Variants in TNRC6C observed in about 807,000 individuals in gnomAD.
The protein encoded by TNRC6C is trinucleotide repeat-containing gene 6C protein.
TNRC6C carries 20 observed loss-of-function variants against 153.7 expected under a neutral mutation model. The ratio of observed to expected loss-of-function variants is 0.13; its 90% CI spans 0.09 to 0.19. The LOEUF (loss-of-function observed/expected upper bound fraction) is 0.19, where lower values mean the gene tolerates loss of function less well. Ranked by LOEUF, TNRC6C falls within the 10% of genes least tolerant of loss-of-function variation. The pLI, the probability that TNRC6C is intolerant of heterozygous loss-of-function variation, is 1.00. For missense variants in TNRC6C, 1,987 were observed against 2,172.0 expected (o/e 0.91, Z 1.69); for synonymous variants, 811 against 841.4 (o/e 0.96, Z 0.63).
intron 3 of TNRC6C, among the ~76,000 whole-genome samples, chr17:78,057,413 G>T (rs1373328485): frequency 6.6e-6 from 1 of 152,262 alleles, no homozygotes. Flanking sequence ...AGAAGTAACA[G>T]TTCCACACCA....
intron 1 of TNRC6C, among the ~76,000 whole-genome samples, chr17:77,996,578 T>C (rs1567906127): frequency 6.6e-6 from 1 of 152,208 alleles, no homozygotes; most frequent in Non-Finnish European, 1.5e-5. Flanking sequence ...GGCAAAGCAC[T>C]GAGATACCAG....
At chr17:78,098,010 G>T in intron 16 of TNRC6C, 149 bp downstream of exon 19, 3 of 733,724 alleles carry the variant, frequency 4.1e-6, no homozygotes, top group Non-Finnish European at 6.5e-6. Context: ...TGGGGGCCTT[G>T]CCCAGGCACA....
chr17:78,071,798 T>C (rs2073002596), intron 6 of TNRC6C, among the ~76,000 whole-genome samples: 1 of 152,178 alleles, frequency 6.6e-6, no homozygotes, highest in East Asian at 1.9e-4. Context: ...TTGACAGAGA[T>C]CACAAAAGAA....
exon 3 of TNRC6C, chr17:78,051,173 G>A: frequency 6.3e-7 from 1 of 1,577,730 alleles, no homozygotes; most frequent in Non-Finnish European, 8.6e-7. Flanking sequence ...CAGAAGGACA[G>A]CAGTGAAGCA....
intron 13 of TNRC6C, 167 bp from the exon 16 acceptor site, chr17:78,091,273 C>T: frequency 1.4e-6 from 1 of 719,664 alleles, no homozygotes; most frequent in South Asian, 3.7e-5. Flanking sequence ...TTGCAATGAG[C>T]CAAGATTGTG....
intron 1 of TNRC6C, among the ~76,000 whole-genome samples, chr17:78,030,325 C>CGTGTGT (rs60964524): frequency 1.3e-5 from 2 of 149,868 alleles, no homozygotes; most frequent in Non-Finnish European, 3.0e-5. Context: ...TGTGTGTGTG[C>CGTGTGT]GTGTGTGTGT....
In TNRC6C at chr17:78,093,840, G is replaced by GGGC. The variant is rs1210767033; in HGVS notation, c.4306+78_4306+80dup. 8.6e-5 allele frequency: 136 copies of GGGC among 1,572,590 alleles called. No homozygotes were observed. The Middle Eastern group carries it at 3.3e-3, about 38-fold the overall frequency. The stretch of plus-strand genomic sequence containing the variant: ...TTGGAGATGTCAGGGGTGACAGGTT[G>GGGC]GGCTGTGAGGCAGGGATGATACAAG... On this transcript the variant is annotated intron_variant, in intron 16 of 19. Coordinates refer to ENST00000301624, the Ensembl canonical transcript of TNRC6C.
chr17:78,105,782 T>G (rs1171323612), exon 20 of TNRC6C: 1 of 152,340 alleles, frequency 6.6e-6, no homozygotes, highest in Admixed American at 6.5e-5. Flanking sequence ...GTCAAACGGT[T>G]GTTATTATTA....
chr17:77,970,006 T>G (rs2070928334), intron 1 of TNRC6C, among the ~76,000 whole-genome samples: 1 of 152,236 alleles, frequency 6.6e-6, no homozygotes, highest in Non-Finnish European at 1.5e-5. Context: ...GAATGGATGA[T>G]AACTGTCTTT....
At chr17:78,093,213 A>G (rs999279726) in intron 15 of TNRC6C, 89 bp downstream of exon 17, 5 of 1,351,052 alleles carry the variant, frequency 3.7e-6, no homozygotes, top group Non-Finnish European at 5.1e-6. Context: ...AGGACCCAGA[A>G]TCTGAGCTAA....
At chr17:78,093,982 CT>C (rs11313921) in intron 16 of TNRC6C, among the ~76,000 whole-genome samples, 19,960 of 141,168 alleles carry the variant, frequency 0.14, 1,789 homozygotes, top group African/African-American at 0.27. Flanking sequence ...ATTATTATTA[CT>C]TTTTTTTTTT....
At chr17:78,103,319 TTAGTG>T in intron 18 of TNRC6C, 90 bp from the exon 22 acceptor site, 1 of 1,432,610 alleles carries the variant, frequency 7.0e-7, no homozygotes, top group African/African-American at 1.4e-5. Flanking sequence ...TTCCTAGTGT[TTAGTG>T]TATCCAATTT....
At chr17:78,023,445 G>GC (rs2071875211) in intron 1 of TNRC6C, among the ~76,000 whole-genome samples, 1 of 152,064 alleles carries the variant, frequency 6.6e-6, no homozygotes, top group South Asian at 2.1e-4. Context: ...TGCTGCTACT[G>GC]CTTTTGAATT....
At chr17:78,074,498 G>A (rs562180364) in intron 7 of TNRC6C, among the ~76,000 whole-genome samples, 2 of 152,342 alleles carry the variant, frequency 1.3e-5, no homozygotes, top group South Asian at 4.1e-4. Context: ...ACAGAGCAGC[G>A]TGTGCTGCAA....
chr17:78,068,559 C>T (rs1036802832), intron 5 of TNRC6C, among the ~76,000 whole-genome samples: 3 of 152,072 alleles, frequency 2.0e-5, no homozygotes, highest in African/African-American at 7.2e-5. Flanking sequence ...TTTGGGAGGC[C>T]AAAGTGGGTG....
chr17:78,098,857 A>G (rs750529553), intron 17 of TNRC6C, among the ~76,000 whole-genome samples: 5 of 152,150 alleles, frequency 3.3e-5, no homozygotes, highest in Non-Finnish European at 7.4e-5. Context: ...ACACTGGGCC[A>G]TCAGAGGCCT....
At chr17:77,997,612 A>G (rs558442537) in intron 1 of TNRC6C, among the ~76,000 whole-genome samples, 7 of 152,058 alleles carry the variant, frequency 4.6e-5, no homozygotes, top group Admixed American at 4.6e-4. Flanking sequence ...GAAGGATTCA[A>G]CATTATCCTG....
rs748706744 is a variant in TNRC6C, at chr17:78,087,092, C to G, written c.3801C>G (p.Leu1267=). Residue 1267 remains leucine, a splice_region_variant and synonymous_variant, in exon 13 of 20, where the codon CTC becomes CTG. Transcript: ENST00000301624. The stretch of plus-strand genomic sequence containing the variant: ...CCAACACCTTTGCTCCTTACCCTCT[C>G]GGTGAGTGTCCCATGGTCTTCAACA... 3 of 1,612,962 alleles carry G rather than the reference C, an allele frequency of 1.9e-6. No homozygotes were observed. In the Middle Eastern group the frequency reaches 5.0e-4, roughly 266 times the overall value.
chr17:78,008,505 G>A (rs1362969750), intron 1 of TNRC6C: 3 of 152,150 alleles, frequency 2.0e-5, no homozygotes, highest in Non-Finnish European at 4.4e-5. Context: ...TCAGCCCCGG[G>A]GGTTTTCACT....
Sources: gnomAD v4.1 joint callset for allele counts (sites outside exome capture counted in the v4.1 genomes callset) on GRCh38, gnomAD v4.1.1 for gene constraint, MANE v1.5 for transcripts, NCBI Gene and HGNC (gene_info 2026-07-23, HGNC 2026-07-21) for gene names.